DOCK9: variants seen among roughly 807,000 people sequenced by gnomAD.
DOCK9 encodes the protein dedicator of cytokinesis protein 9.
Under a neutral mutation model 263.3 loss-of-function variants are expected in DOCK9, and 89 were observed. The observed-to-expected ratio is 0.34, with a 90% confidence interval of 0.28 to 0.40. The LOEUF is 0.40. Among genes scored for constraint, DOCK9 ranks in the 10% least tolerant of loss-of-function variants. DOCK9 has a pLI of 1.00. For missense variants in DOCK9, 2,140 were observed against 2,603.4 expected (o/e 0.82, Z 3.87); for synonymous variants, 976 against 973.1 (o/e 1.00, Z -0.06).
chr13:98,878,424 C>T (rs2044208450), intron 27 of DOCK9, among the ~76,000 whole-genome samples: 2 of 152,240 alleles, frequency 1.3e-5, no homozygotes, highest in African/African-American at 2.4e-5. Flanking sequence ...CCCCTTCTTT[C>T]CCAGTCTCTG....
chr13:98,931,385 G>A lies in DOCK9; in HGVS notation c.244-1128C>T, dbSNP rs138377824. On this transcript the variant is annotated intron_variant, in intron 2 of 52. Transcript: ENST00000682017. ...GCAATCTCAGCTCACTGCCAGCTCC[G>A]CCTCCCGGGTTCACGCCATTCTTCT... 3.4e-3 allele frequency among the ~76,000 whole-genome samples: 519 copies of A among 151,862 alleles called. 3 individuals are homozygous for A. The highest frequency in any genetic ancestry group is 0.012 in the African/African-American group (489 of 41,404).
intron 2 of DOCK9, among the ~76,000 whole-genome samples, chr13:98,933,892 T>C (rs1013297378): frequency 3.5e-5 from 5 of 143,894 alleles, no homozygotes; most frequent in Non-Finnish European, 7.9e-5. Context: ...GTTGTTGTTG[T>C]TGTTGTTGTT....
chr13:98,810,144 A>G (rs771429098), intron 46 of DOCK9, 25 bp downstream of exon 46: 2 of 1,613,674 alleles, frequency 1.2e-6, no homozygotes, highest in Admixed American at 1.7e-5. Flanking sequence ...TCAAATAGGA[A>G]AAAAACAAAA....
chr13:99,047,001 T>C (rs1021751413), intron 1 of DOCK9, among the ~76,000 whole-genome samples: 10 of 152,240 alleles, frequency 6.6e-5, no homozygotes, highest in Admixed American at 6.5e-4. Flanking sequence ...TAATCTCCTA[T>C]CTCTGATGAT....
intron 18 of DOCK9, among the ~76,000 whole-genome samples, 194 bp downstream of exon 18, chr13:98,887,964 T>A (rs915025229): frequency 2.0e-5 from 3 of 152,164 alleles, no homozygotes; most frequent in African/African-American, 7.2e-5. Context: ...AACAGTCAAT[T>A]AGGAGCCAGA....
chr13:98,889,280 T>C (rs759475883), intron 15 of DOCK9, among the ~76,000 whole-genome samples: 1 of 152,060 alleles, frequency 6.6e-6, no homozygotes, highest in African/African-American at 2.4e-5. Flanking sequence ...AGACTACACA[T>C]TGGGTACAGT....
chr13:98,941,093 C>G (rs1356693152), intron 2 of DOCK9, among the ~76,000 whole-genome samples: 2 of 152,210 alleles, frequency 1.3e-5, no homozygotes, highest in Non-Finnish European at 2.9e-5. Flanking sequence ...CCAGGCCCCT[C>G]TGACTGACAC....
rs377155549 is a variant in DOCK9 at position 99,037,028 on chromosome 13, T to G, written c.129+49195A>C. On this transcript the variant is annotated intron_variant, in intron 1 of 32. Transcript: ENST00000427887. ...CTCATAGAGCTCAGACTCTGATGGATTTTTTATGACTTTGGACTACAGTAT... is the reference window on the plus strand; with the variant it reads ...CTCATAGAGCTCAGACTCTGATGGAGTTTTTATGACTTTGGACTACAGTAT... Among the ~76,000 whole-genome samples, 306 of 152,278 alleles carry G rather than the reference T, an allele frequency of 2.0e-3. 1 individual carries two copies. Among genetic ancestry groups the G allele is most frequent in the Non-Finnish European group, 3.7e-3 (249 of 68,030 alleles).
At chr13:99,030,070 G>C in intron 1 of DOCK9, among the ~76,000 whole-genome samples, 1 of 152,208 alleles carries the variant, frequency 6.6e-6, no homozygotes, top group East Asian at 1.9e-4. Flanking sequence ...GTTCAGAAAA[G>C]GCAAATCTGT....
chr13:98,900,943 C>T (rs568738144), intron 13 of DOCK9, among the ~76,000 whole-genome samples: 12 of 152,222 alleles, frequency 7.9e-5, no homozygotes, highest in Non-Finnish European at 1.6e-4. Flanking sequence ...CTACTGCTGA[C>T]CAGTCCTTGT....
chr13:98,938,345 G>A (rs574009856), intron 2 of DOCK9, among the ~76,000 whole-genome samples: 5 of 152,178 alleles, frequency 3.3e-5, no homozygotes, highest in Non-Finnish European at 7.3e-5. Flanking sequence ...CAGTCTTGGG[G>A]GATATTTGAA....
chr13:98,823,670 G>A (rs2092396955), intron 45 of DOCK9, among the ~76,000 whole-genome samples: 1 of 152,176 alleles, frequency 6.6e-6, no homozygotes, highest in Admixed American at 6.5e-5. Context: ...AGGCAGATAG[G>A]CATGGAAAAG....
At chr13:98,907,470 A>G (rs1164571032) in intron 9 of DOCK9, among the ~76,000 whole-genome samples, 1 of 152,246 alleles carries the variant, frequency 6.6e-6, no homozygotes, top group East Asian at 1.9e-4. Flanking sequence ...ATTAAAGAAC[A>G]AATAGGAATG....
At chr13:98,905,340 T>G (rs1222033392) in intron 9 of DOCK9, among the ~76,000 whole-genome samples, 1 of 151,852 alleles carries the variant, frequency 6.6e-6, no homozygotes, top group Middle Eastern at 3.2e-3. Flanking sequence ...GAACACCAGG[T>G]GGGGAGAGAG....
At chr13:98,877,705 T>C (rs2044093755) in intron 27 of DOCK9, among the ~76,000 whole-genome samples, 1 of 152,170 alleles carries the variant, frequency 6.6e-6, no homozygotes, top group Non-Finnish European at 1.5e-5. Context: ...GCACTCGTCA[T>C]GAGGTAGGGC....
chr13:98,803,091 G>C (rs1217025892), intron 49 of DOCK9, among the ~76,000 whole-genome samples: 2 of 152,132 alleles, frequency 1.3e-5, no homozygotes, highest in African/African-American at 4.8e-5. Flanking sequence ...AGGACCCCCA[G>C]GACAGCCTCG....
chr13:98,809,276 T>C (rs762420065), intron 47 of DOCK9, 76 bp downstream of exon 47: 9 of 1,305,868 alleles, frequency 6.9e-6, no homozygotes, highest in African/African-American at 6.3e-5. Flanking sequence ...AACTTTATTA[T>C]AGTTTTTTTT....
intron 15 of DOCK9, among the ~76,000 whole-genome samples, chr13:98,895,363 T>TA (rs529699802): frequency 2.2e-4 from 33 of 150,236 alleles, no homozygotes; most frequent in Middle Eastern, 3.4e-3. Flanking sequence ...GAATAAAACG[T>TA]AAAAAAAAAT....
chr13:98,815,220 C>T (rs2091737965), intron 45 of DOCK9, among the ~76,000 whole-genome samples: 1 of 151,926 alleles, frequency 6.6e-6, no homozygotes, highest in Non-Finnish European at 1.5e-5. Flanking sequence ...AATACACTGC[C>T]AGTGTGTATT....
Sources: gnomAD v4.1 joint callset for allele counts (sites outside exome capture counted in the v4.1 genomes callset) on GRCh38, gnomAD v4.1.1 for gene constraint, MANE v1.5 for transcripts, NCBI Gene and HGNC (gene_info 2026-07-23, HGNC 2026-07-21) for gene names.